Variants in PMS1 observed in about 807,000 individuals in gnomAD.
The protein encoded by PMS1 is PMS1 protein homolog 1.
In PMS1, 79 loss-of-function variants were observed where a neutral mutation model predicts 93.1. The observed-to-expected ratio is 0.85, with a 90% confidence interval of 0.71 to 1.02. The LOEUF (loss-of-function observed/expected upper bound fraction) is 1.02. Ranked by LOEUF, PMS1 falls within the 50% of genes least tolerant of loss-of-function variation. The pLI is 0.00. For synonymous variants in PMS1, 335 were observed against 363.4 expected (o/e 0.92, Z 0.89); for missense variants, 1,064 against 1,085.3 (o/e 0.98, Z 0.28).
chr2:189,821,549 C>T, intron 5 of PMS1, among the ~76,000 whole-genome samples: 1 of 152,006 alleles, frequency 6.6e-6, no homozygotes, highest in East Asian at 1.9e-4. Context: ...TGGCTCACAC[C>T]TGTAATCCCA....
At chr2:189,812,482 C>T (rs2050933654) in intron 4 of PMS1, among the ~76,000 whole-genome samples, 2 of 152,062 alleles carry the variant, frequency 1.3e-5, no homozygotes, top group African/African-American at 4.8e-5. Flanking sequence ...ACATGGCAAC[C>T]TGAATCTGCA....
chr2:189,833,676 A>G (rs1229629791), intron 5 of PMS1, among the ~76,000 whole-genome samples: 1 of 152,202 alleles, frequency 6.6e-6, no homozygotes, highest in Non-Finnish European at 1.5e-5. Flanking sequence ...TATAAACTTT[A>G]AATGTTATAA....
chr2:189,841,104 A>G (rs2106404611), intron 5 of PMS1, among the ~76,000 whole-genome samples: 1 of 152,198 alleles, frequency 6.6e-6, no homozygotes, highest in East Asian at 1.9e-4. Context: ...AAAGGAGTGA[A>G]TGTTTAGAGC....
chr2:189,798,328 A>G (rs1336636082), intron 3 of PMS1, among the ~76,000 whole-genome samples: 1 of 152,204 alleles, frequency 6.6e-6, no homozygotes, highest in Non-Finnish European at 1.5e-5. Context: ...AGAAATTGCA[A>G]AGGAGATGAA....
At chr2:189,850,024 A>G (rs1270607666) in intron 6 of PMS1, among the ~76,000 whole-genome samples, 1 of 152,068 alleles carries the variant, frequency 6.6e-6, no homozygotes, top group Non-Finnish European at 1.5e-5. Flanking sequence ...TTCTGATCCT[A>G]GACCACATAG....
Position 189,812,579 on chromosome 2 carries a change from A to T in PMS1, c.419-5438A>T, listed in dbSNP as rs191617004. On this transcript the variant is annotated intron_variant, in intron 4 of 12. Coordinates refer to ENST00000441310, the MANE Select transcript of PMS1 (RefSeq NM_000534.5). Reference sequence around the variant, plus strand: ...CTTATTTTACAAAAACAAAATCAGTATATTGTGGAGTTTATCACACAGAAA... The same window carrying T: ...CTTATTTTACAAAAACAAAATCAGTTTATTGTGGAGTTTATCACACAGAAA... 3.4e-3 allele frequency among the ~76,000 whole-genome samples: 519 copies of T among 152,352 alleles called. 4 individuals are homozygous for T. The highest frequency in any genetic ancestry group is 0.01 in the African/African-American group (427 of 41,584).
intron 6 of PMS1, among the ~76,000 whole-genome samples, chr2:189,847,310 C>T (rs1445235049): frequency 6.6e-6 from 1 of 152,102 alleles, no homozygotes. Context: ...TTATATACTT[C>T]CATCCATTAT....
Position 189,854,336 on chromosome 2 carries a change from C to T in PMS1, c.1064C>T (p.Ala355Val), listed in dbSNP as rs1262432590. 1 of 1,598,034 alleles carries T rather than the reference C, an allele frequency of 6.3e-7. No individual in the cohort carries two copies. Among genetic ancestry groups the T allele is most frequent in the Non-Finnish European group, 8.5e-7 (1 of 1,171,726 alleles). The change falls in exon 9 of 13, where the codon GCA becomes GTA. Residue 355 changes from alanine to valine, a missense_variant. Physicochemically the swap from Ala to Val is moderately conservative, Grantham distance 64. Transcript: ENST00000441310. ...SYENNKTDVS[A>V]ADIVLSKTAE... ...GAAAATAATAAAACAGATGTTTCCGCAGCTGACATCGTTCTTAGTAAAACA... is the reference window on the plus strand; with the variant it reads ...GAAAATAATAAAACAGATGTTTCCGTAGCTGACATCGTTCTTAGTAAAACA...
At chr2:189,862,846 T>C (rs1312014850) in intron 9 of PMS1, among the ~76,000 whole-genome samples, 1 of 152,228 alleles carries the variant, frequency 6.6e-6, no homozygotes, top group Non-Finnish European at 1.5e-5. Flanking sequence ...CCAAACTTTG[T>C]TTCCCTGCAA....
intron 5 of PMS1, among the ~76,000 whole-genome samples, chr2:189,843,450 A>G (rs1370288032): frequency 6.6e-6 from 1 of 152,258 alleles, no homozygotes; most frequent in Non-Finnish European, 1.5e-5. Context: ...ATTTTAAATT[A>G]TGATTTAATT....
chr2:189,854,132 A>G, intron 8 of PMS1, 50 bp downstream of exon 8: 1 of 1,399,248 alleles, frequency 7.1e-7, no homozygotes, highest in Non-Finnish European at 9.8e-7. Context: ...AACATATATT[A>G]CTGTTTTCAT....
intron 5 of PMS1, among the ~76,000 whole-genome samples, chr2:189,818,935 G>A (rs1211296694): frequency 6.6e-6 from 1 of 152,176 alleles, no homozygotes; most frequent in Non-Finnish European, 1.5e-5. Flanking sequence ...GGATACAAGT[G>A]TAATTTTGTT....
Position 189,805,651 on chromosome 2 carries a change from G to A in PMS1, c.316-1G>A. On this transcript the variant is annotated splice_acceptor_variant, in intron 3 of 12. Coordinates refer to ENST00000441310, the MANE Select transcript of PMS1 (RefSeq NM_000534.5). LOFTEE classifies it high-confidence loss of function. ...TTTTATTAGATGTTTTTTTCCCCCA[G>A]GTTTTAATTACAACAAGAACGGCTG... 1 of 1,612,448 alleles carries A rather than the reference G, an allele frequency of 6.2e-7. No individual in the cohort carries two copies. Among genetic ancestry groups the A allele is most frequent in the South Asian group, 1.1e-5 (1 of 91,056 alleles).
At chr2:189,854,163 TTA>T in intron 8 of PMS1, 74 bp from the exon 9 acceptor site, 1 of 1,368,354 alleles carries the variant, frequency 7.3e-7, no homozygotes, top group South Asian at 1.4e-5. Flanking sequence ...TTGTTTATAT[TTA>T]TCTTTTTTAT....
chr2:189,829,580 G>T (rs2052743101), intron 5 of PMS1, among the ~76,000 whole-genome samples: 1 of 152,080 alleles, frequency 6.6e-6, no homozygotes, highest in African/African-American at 2.4e-5. Flanking sequence ...ACTAAATCCT[G>T]ATTAAATCCA....
intron 4 of PMS1, among the ~76,000 whole-genome samples, chr2:189,817,742 G>A (rs1051985169): frequency 1.3e-5 from 2 of 152,080 alleles, no homozygotes; most frequent in East Asian, 1.9e-4. Context: ...ATGATACTGC[G>A]TTCTTGTAAG....
intron 2 of PMS1, among the ~76,000 whole-genome samples, chr2:189,794,738 T>C (rs2049183463): frequency 6.6e-6 from 1 of 152,174 alleles, no homozygotes; most frequent in Non-Finnish European, 1.5e-5. Flanking sequence ...AATTTAAATT[T>C]TGTTTTTGTT....
chr2:189,837,385 T>C (rs528642678), intron 5 of PMS1, among the ~76,000 whole-genome samples: 26 of 152,178 alleles, frequency 1.7e-4, no homozygotes, highest in Non-Finnish European at 3.5e-4. Flanking sequence ...CACCTTAGCC[T>C]TGTGAATAAG....
intron 1 of PMS1, among the ~76,000 whole-genome samples, chr2:189,786,540 G>C (rs1338405942): frequency 6.6e-6 from 1 of 152,158 alleles, no homozygotes; most frequent in East Asian, 1.9e-4. Context: ...TGGATGGAAG[G>C]TGTTTGAGAG....
Sources: gnomAD v4.1 joint callset for allele counts (sites outside exome capture counted in the v4.1 genomes callset) on GRCh38, gnomAD v4.1.1 for gene constraint, MANE v1.5 for transcripts, NCBI Gene and HGNC (gene_info 2026-07-23, HGNC 2026-07-21) for gene names.